Variants in ANXA11 observed in about 807,000 individuals in gnomAD.
The protein encoded by ANXA11 is annexin A11, also known as 56 kDa autoantigen.
A neutral mutation model predicts 64.7 loss-of-function variants in ANXA11; 57 were observed. That is an observed-to-expected ratio of 0.88 (90% CI 0.71 to 1.10). The LOEUF (loss-of-function observed/expected upper bound fraction) is 1.10. ANXA11 is among the 50% of genes least tolerant of loss of function. The pLI is 0.00. For missense variants in ANXA11, 675 were observed against 670.7 expected, an observed-to-expected ratio of 1.01 and a Z score of -0.07; for synonymous variants, 260 against 265.2, an observed-to-expected ratio of 0.98 and a Z score of 0.19.
chr10:80,173,556 G>C (rs1430195877), intron 2 of ANXA11, among the ~76,000 whole-genome samples: 1 of 151,470 alleles, frequency 6.6e-6, no homozygotes, highest in Non-Finnish European at 1.5e-5. Flanking sequence ...GAGCAGCCTG[G>C]ACAGGTGCCA....
intron 2 of ANXA11, among the ~76,000 whole-genome samples, chr10:80,173,522 G>A (rs1440099319): frequency 6.6e-6 from 1 of 152,220 alleles, no homozygotes; most frequent in Non-Finnish European, 1.5e-5. Context: ...TAAGTGATTT[G>A]CAGATCTGTC....
rs771342827 is a variant in ANXA11, at chr10:80,157,660, G to A, written c.1439C>T (p.Ser480Leu). 11 of 1,613,646 alleles carry A rather than the reference G, an allele frequency of 6.8e-6. 1 individual carries two copies. The highest frequency in any genetic ancestry group is 4.5e-5 in the East Asian group (2 of 44,848). ...RSEYKRMYGK[S>L]LYHDISGDTS... ...CCGTACCGAGATGTCGTGGTACAGC[G>A]ACTTGCCGTACATCCGCTTATACTC... The change falls in exon 15 of 16, where the codon TCG (serine) becomes TTG (leucine). Residue 480 changes from serine (S) to leucine (L), a missense_variant. By Grantham distance (145) the Ser-to-Leu change is moderately radical. Coordinates refer to ENST00000422982, the MANE Select transcript of ANXA11 (RefSeq NM_145868.2).
Position 80,155,580 on chromosome 10 carries a change from G to C in ANXA11, c.*273C>G. 1 of 470,702 alleles carries C rather than the reference G, an allele frequency of 2.1e-6. No individual in the cohort carries two copies. Among genetic ancestry groups the C allele is most frequent in the Non-Finnish European group, 3.8e-6 (1 of 266,248 alleles). The allele number at this position is 470,702 out of a possible 1,614,324, so 29.2% of individuals were successfully genotyped here. On this transcript the variant is annotated 3_prime_UTR_variant, in exon 16 of 16. Transcript: ENST00000422982. ...AGCCAAGTCTTAGCCACAGGCAAAG[G>C]GGAATGATTGCATGAGTCAGAAAAA...
At chr10:80,177,949 G>C (rs11201989) in intron 1 of ANXA11, among the ~76,000 whole-genome samples, 44,163 of 152,078 alleles carry the variant, frequency 0.29, 7,524 homozygotes, top group Non-Finnish European at 0.38. Flanking sequence ...CTGACTCACA[G>C]AAGCAGCATT....
chr10:80,192,300 T>A (rs368704871), intron 1 of ANXA11, among the ~76,000 whole-genome samples: 33 of 152,340 alleles, frequency 2.2e-4, no homozygotes, highest in African/African-American at 7.7e-4. Flanking sequence ...CTATGCACTC[T>A]AATCAGATTT....
chr10:80,172,952 C>A (rs768818287), intron 2 of ANXA11, 83 bp from the exon 3 acceptor site: 6 of 1,218,718 alleles, frequency 4.9e-6, no homozygotes, highest in Non-Finnish European at 6.0e-6. Context: ...GAAAGGGCAG[C>A]CACCACCACA....
At chr10:80,156,374 T>C (rs1408425413) in intron 15 of ANXA11, 1 of 472,374 alleles carries the variant, frequency 2.1e-6, no homozygotes, top group East Asian at 6.9e-5. Context: ...GCCACTACAC[T>C]TACTCTAAGA....
intron 15 of ANXA11, chr10:80,156,274 T>C (rs968467183): frequency 4.0e-5 from 16 of 396,318 alleles, no homozygotes; most frequent in Non-Finnish European, 5.4e-5. Context: ...CAACACAGTG[T>C]CCTGCTCAGG....
chr10:80,188,130 ACT>A (rs945309001), intron 1 of ANXA11, among the ~76,000 whole-genome samples: 1 of 148,734 alleles, frequency 6.7e-6, no homozygotes, highest in African/African-American at 2.5e-5. Flanking sequence ...ACCCCCAATT[ACT>A]CTCTCTCACA....
At chr10:80,172,980 G>T in intron 2 of ANXA11, 111 bp from the exon 3 acceptor site, 1 of 892,722 alleles carries the variant, frequency 1.1e-6, no homozygotes, top group Non-Finnish European at 1.8e-6. Flanking sequence ...CCCTGCAGAA[G>T]AAACTGCTGC....
At chr10:80,166,040 G>GCACA (rs753895566) in intron 8 of ANXA11, 44 bp downstream of exon 8, 37,831 of 1,069,944 alleles carry the variant, frequency 0.035, 432 homozygotes, top group African/African-American at 0.084. Flanking sequence ...GCACACACGC[G>GCACA]CGCACACACA....
In ANXA11 at chr10:80,170,800, C is replaced by A. The variant is rs148614357; in HGVS notation, c.171G>T (p.Met57Ile). 3.4e-6 allele frequency: 5 copies of A among 1,480,368 alleles called. No individual in the cohort carries two copies. Among genetic ancestry groups the A allele is most frequent in the Non-Finnish European group, 4.5e-6 (5 of 1,114,432 alleles). The allele number at this position is 1,480,368 out of a possible 1,614,324, so 91.7% of individuals were successfully genotyped here. A position where few individuals can be genotyped will look rare whatever the true frequency, so the allele number is the denominator to read the frequency against. The stretch of plus-strand genomic sequence containing the variant: ...GCCTCAGCAGGAGAGCTGGACTCAC[C>A]ATTCCCGAGAGATAGTCCTGGTTGA... Reference protein sequence around the residue: ...GQFNQDYLSGMAANMSGTFGG... With the variant: ...GQFNQDYLSGIAANMSGTFGG... The change falls in exon 4 of 16, where the codon ATG becomes ATT. Residue 57 changes from methionine to isoleucine, a missense_variant and splice_region_variant. By Grantham distance (10) the Met-to-Ile change is conservative. Coordinates refer to ENST00000422982, the MANE Select transcript of ANXA11 (RefSeq NM_145868.2).
chr10:80,167,181 A>G (rs1237128971), intron 6 of ANXA11, 45 bp downstream of exon 6: 2 of 1,584,376 alleles, frequency 1.3e-6, no homozygotes, highest in East Asian at 4.5e-5. Context: ...CTGCCTGGGA[A>G]ATAGGGGGCA....
At chr10:80,166,228 A>C (rs990931809) in intron 7 of ANXA11, 31 bp from the exon 8 acceptor site, 4 of 1,214,952 alleles carry the variant, frequency 3.3e-6, no homozygotes, top group African/African-American at 3.5e-5. Flanking sequence ...ACAACCAACA[A>C]AAAAAAAAAC....
At position 80,169,008 on chromosome 10, in the gene ANXA11, C is replaced by A; in HGVS notation, c.522G>T (p.Pro174=). ...CAGCGGGGGTGACAGTCCCAGACCC[C>A]GGGTATCCTGGGTAGCTCGGCACTG... The part of the protein sequence containing the change: ...QQPVPSYPGY[P]GSGTVTPAVP... Residue 174 remains proline, a synonymous_variant, in exon 5 of 16, where the codon CCG becomes CCT. Transcript: ENST00000422982. 1 of 1,545,284 alleles carries A rather than the reference C, an allele frequency of 6.5e-7. No individual in the cohort carries two copies. Among genetic ancestry groups the A allele is most frequent in the African/African-American group, 1.4e-5 (1 of 72,426 alleles).
intron 1 of ANXA11, among the ~76,000 whole-genome samples, chr10:80,178,575 G>C (rs1044950496): frequency 1.3e-5 from 2 of 152,216 alleles, no homozygotes; most frequent in Admixed American, 6.5e-5. Context: ...CTGTGCACCT[G>C]ATTTCATCCA....
Position 80,170,242 on chromosome 10 carries a change from C to G in ANXA11, c.171+558G>C, listed in dbSNP as rs185321884. 4.6e-5 allele frequency among the ~76,000 whole-genome samples: 7 copies of G among 152,282 alleles called. No homozygotes were observed. In the East Asian group the frequency reaches 1.2e-3, roughly 25 times the overall value. On this transcript the variant is annotated intron_variant, in intron 4 of 15. Coordinates refer to ENST00000422982, the MANE Select transcript of ANXA11 (RefSeq NM_145868.2). ...CCAGTGCCTAGAACTGGGCCTGGCA[C>G]AAATTAGGGTGTGTATTGGTTGCAT...
In ANXA11 at chr10:80,157,712, C is replaced by T. The variant is rs756080261; in HGVS notation, c.1387G>A (p.Glu463Lys). The T allele has an allele frequency of 5.0e-6, 8 of 1,613,972 alleles. No individual in the cohort carries two copies. The highest frequency in any genetic ancestry group is 2.2e-5 in the East Asian group (1 of 44,856). ...GATCTGATGTCCAGGAGGTCGGTCTCGCTGCGAGACACCATGATGCGAATC... is the reference window on the plus strand; with the variant it reads ...GATCTGATGTCCAGGAGGTCGGTCTTGCTGCGAGACACCATGATGCGAATC... ...TLIRIMVSRSETDLLDIRSEY... is the reference protein window; with the variant it reads ...TLIRIMVSRSKTDLLDIRSEY... The change falls in exon 15 of 16, where the codon GAG (glutamate) becomes AAG (lysine). Residue 463 changes from glutamate (E) to lysine (K), a missense_variant. Physicochemically the swap from Glu to Lys is moderately conservative, Grantham distance 56. Transcript: ENST00000422982.
chr10:80,194,124 G>C (rs1846889815), intron 1 of ANXA11, among the ~76,000 whole-genome samples: 1 of 152,198 alleles, frequency 6.6e-6, no homozygotes, highest in Non-Finnish European at 1.5e-5. Context: ...CAGTCTGTGA[G>C]ACTGGTACCA....
Sources: allele counts gnomAD v4.1 joint callset (sites outside exome capture counted in the v4.1 genomes callset), GRCh38; gene constraint gnomAD v4.1.1; transcripts MANE v1.5; gene names NCBI Gene and HGNC (gene_info 2026-07-23, HGNC 2026-07-21).